HLCS: variants seen among roughly 807,000 people sequenced by gnomAD.
HLCS encodes the protein holocarboxylase synthetase.
In HLCS, 53 loss-of-function variants were observed where a neutral mutation model predicts 75.0. The observed-to-expected ratio is 0.71, with a 90% CI of 0.57 to 0.89. The LOEUF is 0.89. HLCS is among the 40% of genes least tolerant of loss of function. HLCS has a pLI of 0.00. For missense variants in HLCS, 966 were observed against 1,074.0 expected, an observed-to-expected ratio of 0.90 and a Z score of 1.41; for synonymous variants, 431 against 428.6, an observed-to-expected ratio of 1.01 and a Z score of -0.07.
chr21:36,808,026 T>C (rs1448974756), intron 6 of HLCS, among the ~76,000 whole-genome samples: 1 of 144,000 alleles, frequency 6.9e-6, no homozygotes, highest in Non-Finnish European at 1.5e-5. Context: ...TGATAACTCA[T>C]GTTCATTGTA....
At chr21:36,785,467 GGGCT>G (rs1189934789) in intron 6 of HLCS, among the ~76,000 whole-genome samples, 12 of 151,852 alleles carry the variant, frequency 7.9e-5, no homozygotes, top group South Asian at 2.1e-4. Context: ...CTGCCTGTGG[GGGCT>G]GACCCCTTGA....
intron 1 of HLCS, among the ~76,000 whole-genome samples, chr21:36,976,861 T>C (rs2146725727): frequency 1.9e-5 from 1 of 52,582 alleles, no homozygotes; most frequent in Admixed American, 2.5e-4. Context: ...TCACAGTTTT[T>C]CAACTTAGGA....
At chr21:36,791,265 C>G (rs1601263156) in intron 6 of HLCS, among the ~76,000 whole-genome samples, 2 of 152,114 alleles carry the variant, frequency 1.3e-5, no homozygotes, top group Non-Finnish European at 2.9e-5. Context: ...TGCAGACCCC[C>G]ACCCCTGCCG....
intron 6 of HLCS, among the ~76,000 whole-genome samples, chr21:36,849,870 A>G (rs1217905288): frequency 6.6e-6 from 1 of 152,214 alleles, no homozygotes; most frequent in Non-Finnish European, 1.5e-5. Context: ...CAGATATTAA[A>G]AGATGCATGA....
chr21:36,861,826 G>C (rs1445412427), intron 6 of HLCS, among the ~76,000 whole-genome samples: 1 of 152,166 alleles, frequency 6.6e-6, no homozygotes, highest in East Asian at 1.9e-4. Flanking sequence ...AAGACTCAAC[G>C]GTCTTGATAC....
At position 36,896,068 on chromosome 21, in the gene HLCS, G is replaced by A. The variant is rs115830729; in HGVS notation, c.1892+792C>T. Among the ~76,000 whole-genome samples the A allele has an allele frequency of 9.4e-3, 1,439 of 152,322 alleles. 16 individuals are homozygous for A. The highest frequency in any genetic ancestry group is 0.029 in the African/African-American group (1,207 of 41,566). On this transcript the variant is annotated intron_variant, in intron 6 of 10. Transcript: ENST00000674895. ...TCAACTGCTTAAAAAAGGTATGGGGGTTGGGAATGGGTGGCTCACGCCTAA... is the reference window on the plus strand; with the variant it reads ...TCAACTGCTTAAAAAAGGTATGGGGATTGGGAATGGGTGGCTCACGCCTAA...
intron 2 of HLCS, chr21:36,947,984 C>T (rs1409651566): frequency 5.1e-6 from 5 of 985,212 alleles, no homozygotes; most frequent in African/African-American, 1.7e-5. Context: ...GCTGGAAACG[C>T]AGAGGTAAAG....
chr21:36,852,493 C>T (rs2063045684), intron 6 of HLCS, among the ~76,000 whole-genome samples: 1 of 152,218 alleles, frequency 6.6e-6, no homozygotes, highest in African/African-American at 2.4e-5. Context: ...AGCCAACAAA[C>T]ACCCCAGGTC....
Position 36,981,545 on chromosome 21 carries a change from G to A in HLCS, c.-393+8613C>T, listed in dbSNP as rs148894624. Among the ~76,000 whole-genome samples, 87 of 151,828 alleles carry A rather than the reference G, an allele frequency of 5.7e-4. 1 individual carries two copies. The highest frequency in any genetic ancestry group is 2.0e-3 in the African/African-American group (84 of 41,404). On this transcript the variant is annotated intron_variant, in intron 1 of 11. Transcript: ENST00000336648. ...CCTCTTAAGTATTGGGATTACAGGC[G>A]CCCGCCACCATGTCCAGATAATTTT...
intron 2 of HLCS, among the ~76,000 whole-genome samples, chr21:36,950,554 C>T (rs539999244): frequency 6.6e-6 from 1 of 151,826 alleles, no homozygotes; most frequent in African/African-American, 2.4e-5. Context: ...ATTGCAGCCT[C>T]GACCTCCTGG....
intron 6 of HLCS, among the ~76,000 whole-genome samples, chr21:36,791,095 G>GA (rs937155457): frequency 9.2e-5 from 14 of 152,082 alleles, no homozygotes; most frequent in African/African-American, 3.4e-4. Context: ...AATCATAATA[G>GA]AAAAAAACAG....
intron 6 of HLCS, among the ~76,000 whole-genome samples, chr21:36,788,159 G>T (rs2156420): frequency 6.6e-6 from 1 of 152,184 alleles, no homozygotes; most frequent in Admixed American, 6.5e-5. Context: ...TCTGTGCACA[G>T]GTCCTCTCCA....
chr21:36,917,718 G>A (rs1322590538), intron 5 of HLCS, among the ~76,000 whole-genome samples: 1 of 152,078 alleles, frequency 6.6e-6, no homozygotes, highest in African/African-American at 2.4e-5. Flanking sequence ...CCTCCGGGGA[G>A]GTGAGCTCAG....
At chr21:36,860,375 A>G (rs12483475) in intron 6 of HLCS, among the ~76,000 whole-genome samples, 9,183 of 150,678 alleles carry the variant, frequency 0.061, 443 homozygotes, top group Non-Finnish European at 0.091. Flanking sequence ...AGGAAGCCAC[A>G]CCCGCCAGGA....
intron 6 of HLCS, among the ~76,000 whole-genome samples, chr21:36,831,089 T>G (rs2062193366): frequency 6.6e-6 from 1 of 152,174 alleles, no homozygotes; most frequent in South Asian, 2.1e-4. Context: ...TGTATAATCT[T>G]TTCGGAGGGT....
intron 5 of HLCS, among the ~76,000 whole-genome samples, chr21:36,908,404 A>G (rs2146385466): frequency 6.6e-6 from 1 of 152,044 alleles, no homozygotes; most frequent in East Asian, 1.9e-4. Context: ...AAAAAAAAAA[A>G]AAGAATCTGA....
Position 36,953,623 on chromosome 21 carries a change from C to A in HLCS, c.330+8413G>T, listed in dbSNP as rs1329028621. ...TGTACATCTTTTAGCCCCATAAAGA[C>A]ATATAATTAACAATTTAGGAAATTA... is the stretch of plus-strand genomic sequence containing the variant. On this transcript the variant is annotated intron_variant, in intron 2 of 10. Coordinates refer to ENST00000674895, the MANE Select transcript of HLCS (RefSeq NM_001352514.2). Among the ~76,000 whole-genome samples the A allele has an allele frequency of 2.0e-5, 3 of 152,054 alleles. No homozygotes were observed. The East Asian group carries it at 5.8e-4, about 29-fold the overall frequency.
At chr21:36,888,349 G>C (rs1463882201) in intron 6 of HLCS, among the ~76,000 whole-genome samples, 2 of 149,562 alleles carry the variant, frequency 1.3e-5, no homozygotes, top group East Asian at 4.0e-4. Context: ...GCTGGAGTTG[G>C]TCCCAAACTC....
intron 5 of HLCS, among the ~76,000 whole-genome samples, chr21:36,910,903 C>T (rs2065677444): frequency 6.6e-6 from 1 of 152,114 alleles, no homozygotes; most frequent in African/African-American, 2.4e-5. Context: ...CCACTAGCCC[C>T]AAGCACCGGC....
Sources: gnomAD v4.1 joint callset for allele counts (sites outside exome capture counted in the v4.1 genomes callset) on GRCh38, gnomAD v4.1.1 for gene constraint, MANE v1.5 for transcripts, NCBI Gene and HGNC (gene_info 2026-07-23, HGNC 2026-07-21) for gene names.